The following RUNX1 variants were observed in gnomAD, a reference collection of about 807,000 sequenced individuals.
RUNX1 encodes runt-related transcription factor 1.
In RUNX1, 19 loss-of-function variants were observed where a neutral mutation model predicts 42.8. The ratio of observed to expected loss-of-function variants is 0.44; its 90% CI spans 0.31 to 0.65. The LOEUF is 0.65. Among genes scored for constraint, RUNX1 ranks in the 30% least tolerant of loss-of-function variants. RUNX1 has a pLI of 0.07. For synonymous variants in RUNX1, 271 were observed against 289.4 expected (o/e 0.94, Z 0.64); for missense variants, 528 against 672.0 (o/e 0.79, Z 2.37).
At chr21:34,984,619 G>A (rs1458440236) in intron 2 of RUNX1, among the ~76,000 whole-genome samples, 1 of 152,168 alleles carries the variant, frequency 6.6e-6, no homozygotes, top group Non-Finnish European at 1.5e-5. Flanking sequence ...AGTATTTTAA[G>A]ACAAGAGAAA....
chr21:34,993,497 C>CCACA (rs1569141566), intron 2 of RUNX1, among the ~76,000 whole-genome samples: 79 of 119,226 alleles, frequency 6.6e-4, no homozygotes, highest in African/African-American at 2.5e-3. Flanking sequence ...TTGTTTGTCC[C>CCACA]TACACACACA....
chr21:34,968,420 G>T (rs543673256), intron 2 of RUNX1, among the ~76,000 whole-genome samples: 158 of 152,244 alleles, frequency 1.0e-3, no homozygotes, highest in East Asian at 9.7e-4. Flanking sequence ...GGAGCCACAG[G>T]TGGGGCAGCC....
chr21:34,833,495 C>T (rs2057095369), intron 7 of RUNX1: 1 of 152,642 alleles, frequency 6.6e-6, no homozygotes, highest in East Asian at 1.9e-4. Flanking sequence ...ATACAACTCA[C>T]ATACAGAAAA....
intron 2 of RUNX1, among the ~76,000 whole-genome samples, chr21:34,946,927 AGGTCCTCCCTT>A (rs1327837021): frequency 6.6e-6 from 1 of 152,216 alleles, no homozygotes; most frequent in African/African-American, 2.4e-5. Context: ...GCATCCCACT[AGGTCCTCCCTT>A]GGGTCTGTAA....
In RUNX1 at chr21:34,787,920, G is replaced by T. The variant is rs1165286905; in HGVS notation, c.*4215C>A. ...CTCTGGTGGCTCCTGAACAGCAGCA[G>T]TCCAGCTGCCCTGCTCAGGCTGGGC... On this transcript the variant is annotated 3_prime_UTR_variant, in exon 9 of 9. Transcript: ENST00000675419. 1 of 233,316 alleles carries T rather than the reference G, an allele frequency of 4.3e-6. No individual in the cohort carries two copies. The highest frequency in any genetic ancestry group is 8.5e-6 in the Non-Finnish European group (1 of 118,148). 14.5% of individuals were successfully genotyped at this position (233,316 alleles called of 1,614,324 possible).
intron 5 of RUNX1, among the ~76,000 whole-genome samples, chr21:34,862,077 C>A (rs2057584867): frequency 6.6e-6 from 1 of 151,380 alleles, no homozygotes; most frequent in Non-Finnish European, 1.5e-5. Flanking sequence ...ATGCCATTGT[C>A]CCAGTCCTGA....
At chr21:34,804,536 A>T (rs1277156524) in intron 7 of RUNX1, among the ~76,000 whole-genome samples, 3 of 152,308 alleles carry the variant, frequency 2.0e-5, no homozygotes, top group Admixed American at 2.0e-4. Flanking sequence ...AAATCATGTT[A>T]AACTTTCAAT....
At chr21:34,857,553 G>A (rs2057512595) in intron 6 of RUNX1, among the ~76,000 whole-genome samples, 1 of 152,170 alleles carries the variant, frequency 6.6e-6, no homozygotes, top group South Asian at 2.1e-4. Context: ...AGGCTGGTCG[G>A]CATTTCAACT....
chr21:35,027,001 A>C (rs1283636018), intron 2 of RUNX1, among the ~76,000 whole-genome samples: 1 of 152,250 alleles, frequency 6.6e-6, no homozygotes, highest in Non-Finnish European at 1.5e-5. Flanking sequence ...TCAGCATCCC[A>C]GGCTCTTTGA....
At chr21:34,884,025 T>C (rs1452810425) in intron 4 of RUNX1, among the ~76,000 whole-genome samples, 1 of 152,236 alleles carries the variant, frequency 6.6e-6, no homozygotes, top group Admixed American at 6.5e-5. Context: ...TTTACGTCTT[T>C]GGACTCTGGT....
At chr21:34,918,026 G>C (rs999264820) in intron 2 of RUNX1, among the ~76,000 whole-genome samples, 16 of 151,180 alleles carry the variant, frequency 1.1e-4, no homozygotes, top group African/African-American at 3.9e-4. Context: ...CTACTCAGGG[G>C]GCTAAGGCAG....
rs539980908 is a variant in RUNX1 at position 34,792,047 on chromosome 21, C to A, written c.*88G>T. 4,268 of 867,102 alleles carry A rather than the reference C, an allele frequency of 4.9e-3. 150 individuals are homozygous for A. The African/African-American group carries it at 0.069, about 14-fold the overall frequency. 53.7% of individuals were successfully genotyped at this position (867,102 alleles called of 1,614,324 possible). Reference sequence around the variant, plus strand: ...GGTGGCCGGGCCCAGGGCCCGGGATCCCGGCGGGCTTGTCGCGAACAGGAG... The same window carrying A: ...GGTGGCCGGGCCCAGGGCCCGGGATACCGGCGGGCTTGTCGCGAACAGGAG... On this transcript the variant is annotated 3_prime_UTR_variant, in exon 9 of 9. Transcript: ENST00000675419. The surrounding 1 kb of genome is among the most constrained non-coding windows in gnomAD (Gnocchi z 6.9).
At chr21:34,846,143 T>C (rs1458773023) in intron 6 of RUNX1, among the ~76,000 whole-genome samples, 2 of 151,768 alleles carry the variant, frequency 1.3e-5, no homozygotes, top group East Asian at 1.9e-4. Flanking sequence ...CTTTGGGAAG[T>C]TGGCCATAAT....
intron 2 of RUNX1, among the ~76,000 whole-genome samples, chr21:34,923,659 A>G (rs1037426662): frequency 1.3e-5 from 2 of 152,074 alleles, no homozygotes; most frequent in East Asian, 1.9e-4. Context: ...CTCTTCTTAT[A>G]TTTCCCATTT....
At chr21:35,023,628 T>C (rs958205567) in intron 2 of RUNX1, among the ~76,000 whole-genome samples, 1 of 152,170 alleles carries the variant, frequency 6.6e-6, no homozygotes, top group Non-Finnish European at 1.5e-5. Flanking sequence ...CCCTGCCTCA[T>C]TGAGGCCAAT....
intron 2 of RUNX1, among the ~76,000 whole-genome samples, chr21:35,043,205 T>C (rs2059372328): frequency 6.6e-6 from 1 of 152,164 alleles, no homozygotes; most frequent in Admixed American, 6.5e-5. Flanking sequence ...AATGCTCCCT[T>C]TTTACCACTC....
chr21:35,025,898 G>C (rs879478873), intron 2 of RUNX1, among the ~76,000 whole-genome samples: 4 of 152,102 alleles, frequency 2.6e-5, no homozygotes, highest in Non-Finnish European at 5.9e-5. Flanking sequence ...TAGGGTGCTT[G>C]CTCGTTATGA....
Position 34,875,176 on chromosome 21 carries a change from A to G in RUNX1, c.508+5381T>C, listed in dbSNP as rs138585689. Reference sequence around the variant, plus strand: ...TGCAAGCACAAGCAGTTTTCAAGAAAGCTTTTCCTGCTGGTCCTTGCCATG... The same window carrying G: ...TGCAAGCACAAGCAGTTTTCAAGAAGGCTTTTCCTGCTGGTCCTTGCCATG... On this transcript the variant is annotated intron_variant, in intron 5 of 8. Transcript: ENST00000675419. Among the ~76,000 whole-genome samples, 721 of 152,368 alleles carry G rather than the reference A, an allele frequency of 4.7e-3. 4 individuals carry two copies. Among genetic ancestry groups the G allele is most frequent in the Middle Eastern group, 0.014 (4 of 294 alleles).
rs536042534 is a variant in RUNX1 at position 34,817,966 on chromosome 21, CAG to C, written c.805+16442_805+16443del. Among the ~76,000 whole-genome samples the C allele has an allele frequency of 4.7e-4, 72 of 152,332 alleles. No homozygotes were observed. The East Asian group carries it at 0.012, about 26-fold the overall frequency. On this transcript the variant is annotated intron_variant, in intron 7 of 8. Transcript: ENST00000675419. ...TGGCCTGCTCTGTCTGCTCTGATCA[CAG>C]GGGACAGGAAGGCTGAACCAGGACA... is the stretch of plus-strand genomic sequence containing the variant.
Sources: allele counts gnomAD v4.1 joint callset (sites outside exome capture counted in the v4.1 genomes callset), GRCh38; gene constraint gnomAD v4.1.1; non-coding constraint Gnocchi (gnomAD v3.1); transcripts MANE v1.5; gene names NCBI Gene and HGNC (gene_info 2026-07-23, HGNC 2026-07-21).